CDH18: variants seen among roughly 807,000 people sequenced by gnomAD.
CDH18 encodes the protein cadherin-18.
A neutral mutation model predicts 67.9 loss-of-function variants in CDH18; 31 were observed. The observed-to-expected ratio is 0.46, with a 90% CI of 0.34 to 0.62. The LOEUF is 0.62. Ranked by LOEUF, CDH18 falls within the 20% of genes least tolerant of loss-of-function variation. CDH18 has a pLI of 0.01. For synonymous variants in CDH18, 362 were observed against 347.2 expected (o/e 1.04, Z -0.48); for missense variants, 890 against 975.5 (o/e 0.91, Z 1.17).
At chr5:20,389,430 T>C (rs892807341) in intron 1 of CDH18, among the ~76,000 whole-genome samples, 2 of 152,286 alleles carry the variant, frequency 1.3e-5, no homozygotes, top group Non-Finnish European at 1.5e-5. Context: ...TCCCTTTATT[T>C]TGAGCCTATG....
At chr5:19,917,344 C>CA (rs879337167) in intron 2 of CDH18, among the ~76,000 whole-genome samples, 44 of 150,228 alleles carry the variant, frequency 2.9e-4, no homozygotes, top group African/African-American at 6.0e-4. Flanking sequence ...TTTCCCCCCC[C>CA]GCCCCCTTTT....
intron 1 of CDH18, among the ~76,000 whole-genome samples, chr5:20,400,183 T>C (rs993738496): frequency 6.6e-6 from 1 of 152,160 alleles, no homozygotes; most frequent in African/African-American, 2.4e-5. Flanking sequence ...ATCAACTACA[T>C]TTATGAAATA....
intron 1 of CDH18, among the ~76,000 whole-genome samples, chr5:20,471,946 GTGTC>G (rs1008610223): frequency 0.02 from 2 of 102 alleles, no homozygotes; most frequent in Non-Finnish European, 0.029. Context: ...ATACTCCTGG[GTGTC>G]TGTCTAACTT....
intron 9 of CDH18, among the ~76,000 whole-genome samples, chr5:19,535,530 A>T (rs139280865): frequency 3.6e-4 from 55 of 152,316 alleles, no homozygotes; most frequent in African/African-American, 1.3e-3. Flanking sequence ...ACTTCATATT[A>T]AAGGGCAACA....
At chr5:20,176,346 T>C (rs1045578396) in intron 2 of CDH18, among the ~76,000 whole-genome samples, 3 of 152,230 alleles carry the variant, frequency 2.0e-5, no homozygotes, top group Non-Finnish European at 2.9e-5. Flanking sequence ...TTTTCTTGTA[T>C]TTAATGACAA....
intron 1 of CDH18, among the ~76,000 whole-genome samples, chr5:20,310,921 A>G (rs2149988715): frequency 6.6e-6 from 1 of 152,252 alleles, no homozygotes; most frequent in Non-Finnish European, 1.5e-5. Flanking sequence ...AACTTTATCT[A>G]TAAATTCTAT....
chr5:19,476,254 GGGTCACTA>G, intron 12 of CDH18, among the ~76,000 whole-genome samples: 1 of 151,988 alleles, frequency 6.6e-6, no homozygotes, highest in Non-Finnish European at 1.5e-5. Flanking sequence ...AATTCAATGA[GGGTCACTA>G]CAGCAGACAT....
chr5:20,105,281 C>A (rs1177426358), intron 2 of CDH18, among the ~76,000 whole-genome samples: 1 of 151,984 alleles, frequency 6.6e-6, no homozygotes, highest in East Asian at 1.9e-4. Flanking sequence ...GCTACTGTGC[C>A]CAGCGAATTG....
intron 2 of CDH18, among the ~76,000 whole-genome samples, chr5:20,104,025 A>T (rs1746705382): frequency 6.6e-6 from 1 of 151,062 alleles, no homozygotes; most frequent in South Asian, 2.1e-4. Flanking sequence ...AGATACAGGT[A>T]TCATTATGAA....
intron 5 of CDH18, among the ~76,000 whole-genome samples, chr5:19,688,317 T>C (rs1437827867): frequency 1.3e-5 from 2 of 152,102 alleles, no homozygotes; most frequent in Non-Finnish European, 2.9e-5. Context: ...TATCCTATCA[T>C]TGGAATCACT....
At chr5:20,499,535 T>G (rs957269870) in intron 1 of CDH18, among the ~76,000 whole-genome samples, 2 of 152,128 alleles carry the variant, frequency 1.3e-5, no homozygotes, top group Non-Finnish European at 2.9e-5. Flanking sequence ...CCAAAATTAT[T>G]GTTTTAACAT....
intron 11 of CDH18, among the ~76,000 whole-genome samples, chr5:19,493,780 C>T (rs1741858127): frequency 6.6e-6 from 1 of 151,996 alleles, no homozygotes; most frequent in Non-Finnish European, 1.5e-5. Flanking sequence ...TACACTTCAC[C>T]TTTGAAAAAT....
chr5:20,117,414 C>A (rs1422747486), intron 2 of CDH18, among the ~76,000 whole-genome samples: 1 of 152,132 alleles, frequency 6.6e-6, no homozygotes, highest in Non-Finnish European at 1.5e-5. Context: ...AAATATGCTT[C>A]TTCTTAATGA....
Position 20,175,698 on chromosome 5 carries a change from C to T in CDH18, c.-518+79746G>A, listed in dbSNP as rs925187. On this transcript the variant is annotated intron_variant, in intron 2 of 14. Transcript: ENST00000507958. The stretch of plus-strand genomic sequence containing the variant: ...GAACTTGGAGTCCTATGTTCAAGGG[C>T]TGGGAACATCCAGCACCAGAGAAAG... Among the ~76,000 whole-genome samples the T allele has an allele frequency of 5.2e-3, 793 of 152,168 alleles. 9 individuals are homozygous for T. Among genetic ancestry groups the T allele is most frequent in the African/African-American group, 0.018 (755 of 41,538 alleles).
intron 2 of CDH18, among the ~76,000 whole-genome samples, chr5:20,190,042 T>C (rs1021760058): frequency 1.2e-4 from 19 of 152,090 alleles, no homozygotes; most frequent in African/African-American, 3.9e-4. Flanking sequence ...CTTCTTTTTG[T>C]AGAGCTTCTG....
chr5:20,168,720 C>T (rs929779903), intron 2 of CDH18, among the ~76,000 whole-genome samples: 2 of 152,054 alleles, frequency 1.3e-5, no homozygotes, highest in Non-Finnish European at 2.9e-5. Flanking sequence ...CTTACAATAG[C>T]TAAGATTTGG....
intron 2 of CDH18, among the ~76,000 whole-genome samples, chr5:20,025,992 T>C (rs1463779325): frequency 6.6e-6 from 1 of 152,228 alleles, no homozygotes; most frequent in Non-Finnish European, 1.5e-5. Flanking sequence ...TTTTGAATCA[T>C]TCCCCTCATA....
chr5:19,975,487 G>A (rs1798415770), intron 2 of CDH18, among the ~76,000 whole-genome samples: 1 of 152,118 alleles, frequency 6.6e-6, no homozygotes, highest in Non-Finnish European at 1.5e-5. Flanking sequence ...TATTTTCAAT[G>A]AAAGGCAAGG....
chr5:19,644,155 C>T (rs1420430956), intron 5 of CDH18, among the ~76,000 whole-genome samples: 1 of 151,884 alleles, frequency 6.6e-6, no homozygotes, highest in African/African-American at 2.4e-5. Context: ...TACTTAGAAC[C>T]CAACTGAATT....
Sources: gnomAD v4.1 joint callset for allele counts (sites outside exome capture counted in the v4.1 genomes callset) on GRCh38, gnomAD v4.1.1 for gene constraint, MANE v1.5 for transcripts, NCBI Gene and HGNC (gene_info 2026-07-23, HGNC 2026-07-21) for gene names.